Variants in CSPG4 observed in about 807,000 individuals in gnomAD.
The protein encoded by CSPG4 is chondroitin sulfate proteoglycan 4.
CSPG4 carries 74 observed loss-of-function variants against 139.3 expected under a neutral mutation model. The ratio of observed to expected loss-of-function variants is 0.53; its 90% CI spans 0.44 to 0.64. The LOEUF (loss-of-function observed/expected upper bound fraction) is 0.64, where lower values mean the gene tolerates loss of function less well. CSPG4 is among the 30% of genes least tolerant of loss of function. CSPG4 has a pLI of 0.00. For missense variants in CSPG4, 2,565 were observed against 3,148.3 expected, an observed-to-expected ratio of 0.81 and a Z score of 4.43; for synonymous variants, 1,234 against 1,394.2, an observed-to-expected ratio of 0.89 and a Z score of 2.56.
rs766577833 is a variant in CSPG4, at chr15:75,688,064, C to T, written c.3001G>A (p.Glu1001Lys). ...QGESSGDMAW[E>K]EVRGVFRVAI... ...ACTCGGAAGACACCCCGTACCTCCT[C>T]CCAGGCCATGTCACCACTGCTCTCG... The change falls in exon 3 of 10, where the codon GAG becomes AAG. Residue 1001 changes from glutamate to lysine, a missense_variant. By Grantham distance (56) the Glu-to-Lys change is moderately conservative. This residue lies in a region of CSPG4 where 2,316 missense variants were observed against 2,818.2 expected (regional missense o/e 0.82). Transcript: ENST00000308508. 1 of 1,612,804 alleles carries T rather than the reference C, an allele frequency of 6.2e-7. No homozygotes were observed. The highest frequency in any genetic ancestry group is 8.5e-7 in the Non-Finnish European group (1 of 1,179,868).
Position 75,674,457 on chromosome 15 carries a change from A to G in CSPG4, c.*1093T>C. 5.6e-6 allele frequency: 2 copies of G among 356,756 alleles called. No homozygotes were observed. The highest frequency in any genetic ancestry group is 1.0e-5 in the Non-Finnish European group (2 of 199,230). 22.1% of individuals were successfully genotyped at this position (356,756 alleles called of 1,614,324 possible). On this transcript the variant is annotated 3_prime_UTR_variant, in exon 10 of 10. Coordinates refer to ENST00000308508, the MANE Select transcript of CSPG4 (RefSeq NM_001897.5). The stretch of plus-strand genomic sequence containing the variant: ...CACCTGCCCACACAGGTGGGGGCAC[A>G]GGAGGTCTGGGAGGCCCCAGGAGGT...
Position 75,677,335 on chromosome 15 carries a change from C to G in CSPG4, c.5184G>C (p.Leu1728=). ...GQRARITVAA[L]DASNLLASVP... ...CGCTGGCCAAGAGATTGGAGGCATC[C>G]AGAGCAGCCACGGTGATCCTGGCCC... The change falls in exon 10 of 10, where the codon CTG becomes CTC. Residue 1728 remains leucine, a synonymous_variant. Transcript: ENST00000308508. 7.1e-7 allele frequency: 1 copy of G among 1,413,180 alleles called. No homozygotes were observed. The highest frequency in any genetic ancestry group is 1.7e-5 in the South Asian group (1 of 58,384). 87.5% of individuals were successfully genotyped at this position (1,413,180 alleles called of 1,614,324 possible).
chr15:75,711,908 C>T (rs1894451820), intron 1 of CSPG4, among the ~76,000 whole-genome samples: 1 of 152,020 alleles, frequency 6.6e-6, no homozygotes, highest in Admixed American at 6.6e-5. Context: ...AACTTCCATT[C>T]AGCCTCTGCT....
intron 4 of CSPG4, 58 bp from the exon 5 acceptor site, chr15:75,684,970 T>A: frequency 6.5e-7 from 1 of 1,527,078 alleles, no homozygotes. Context: ...ATGCCCTGCC[T>A]TTGGGTGCAG....
At chr15:75,712,040 TG>T (rs1277558455) in intron 1 of CSPG4, among the ~76,000 whole-genome samples, 2 of 137,312 alleles carry the variant, frequency 1.5e-5, no homozygotes, top group Non-Finnish European at 3.1e-5. Flanking sequence ...GGGTAGTGGG[TG>T]GGGGGTCCTG....
intron 1 of CSPG4, among the ~76,000 whole-genome samples, chr15:75,710,119 G>C (rs928656453): frequency 1.3e-5 from 2 of 152,082 alleles, no homozygotes; most frequent in African/African-American, 4.8e-5. Context: ...ACCCCCATCA[G>C]TTCTGAGTCC....
Position 75,676,214 on chromosome 15 carries a change from G to A in CSPG4, c.6305C>T (p.Thr2102Met), listed in dbSNP as rs561626285. The change falls in exon 10 of 10, where the codon ACG becomes ATG. Residue 2102 changes from threonine (T) to methionine (M), a missense_variant. This residue lies in a region of CSPG4 where 2,316 missense variants were observed against 2,818.2 expected (regional missense o/e 0.82). Transcript: ENST00000308508. ...CACCAGCTGGCTGCCCCCGGGCTCC[G>A]TCCTGGCTCGGGGCACGCGGACCAC... ...GRVVRVPRAR[T>M]EPGGSQLVEQ... 110 of 1,551,880 alleles carry A rather than the reference G, an allele frequency of 7.1e-5. No homozygotes were observed. Among genetic ancestry groups the A allele is most frequent in the Admixed American group, 1.2e-4 (6 of 52,164 alleles).
rs1894074611 is a variant in CSPG4, at chr15:75,687,332, TG to T, written c.3732del (p.His1244GlnfsTer35). ...GPLAPLKLVR[H>X]KKIYVFQGEA... ...TCTCCCTGGAAGACGTAGATCTTCT[TG>T]TGCCGGACCAGCTTCAGTGGGGCCA... On this transcript the variant is annotated frameshift_variant, in exon 3 of 10. Coordinates refer to ENST00000308508, the MANE Select transcript of CSPG4 (RefSeq NM_001897.5). LOFTEE classifies it high-confidence loss of function. The surrounding 1 kb of genome is among the most constrained non-coding windows in gnomAD (Gnocchi z 5.4). 6.2e-7 allele frequency: 1 copy of T among 1,612,356 alleles called. No homozygotes were observed. The highest frequency in any genetic ancestry group is 1.7e-5 in the Admixed American group (1 of 60,004).
At position 75,689,117 on chromosome 15, in the gene CSPG4, G is replaced by T; in HGVS notation, c.1948C>A (p.Pro650Thr). The T allele has an allele frequency of 6.2e-7, 1 of 1,602,402 alleles. No individual in the cohort carries two copies. The change falls in exon 3 of 10, where the codon CCC becomes ACC. Residue 650 changes from proline to threonine, a missense_variant. By Grantham distance (38) the Pro-to-Thr change is conservative. Coordinates refer to ENST00000308508, the MANE Select transcript of CSPG4 (RefSeq NM_001897.5). ...FRVSDGLQAS[P>T]PATLKVVAIR... Reference sequence around the variant, plus strand: ...GCCACCACCTTCAGCGTGGCCGGGGGGCTGGCCTGCAGTCCATCGCTGACC... The same window carrying T: ...GCCACCACCTTCAGCGTGGCCGGGGTGCTGGCCTGCAGTCCATCGCTGACC...
chr15:75,698,537 GGTGA>G lies in CSPG4; in HGVS notation c.89-5308_89-5305del, dbSNP rs1055096991. Among the ~76,000 whole-genome samples the G allele has an allele frequency of 9.2e-5, 14 of 151,996 alleles. No individual in the cohort carries two copies. The highest frequency in any genetic ancestry group is 7.4e-5 in the Non-Finnish European group (5 of 67,996). ...CTTCCAACCAAGCAGGCAGGGCATGGGTGAGTGTGTGCAGGAATGTGGGTCAGTG... is the reference window on the plus strand; with the variant it reads ...CTTCCAACCAAGCAGGCAGGGCATGGGTGTGTGCAGGAATGTGGGTCAGTG... On this transcript the variant is annotated intron_variant, in intron 1 of 9. Coordinates refer to ENST00000308508, the MANE Select transcript of CSPG4 (RefSeq NM_001897.5). The surrounding 1 kb of genome is among the most constrained non-coding windows in gnomAD (Gnocchi z 4.3).
At chr15:75,700,370 G>GGAGGGGGCAGCGAGGA (rs1018110729) in intron 1 of CSPG4, among the ~76,000 whole-genome samples, 2 of 152,118 alleles carry the variant, frequency 1.3e-5, no homozygotes, top group African/African-American at 4.8e-5. Flanking sequence ...AGGGCCGGGT[G>GGAGGGGGCAGCGAGGA]GAGGGGGCAG....
In CSPG4 at chr15:75,690,441, C is replaced by T. The variant is rs1490074044; in HGVS notation, c.624G>A (p.Gly208=). The change falls in exon 3 of 10, where the codon GGG becomes GGA. Residue 208 remains glycine, a synonymous_variant. Coordinates refer to ENST00000308508, the MANE Select transcript of CSPG4 (RefSeq NM_001897.5). ...CAGGGAAGGCAGCCAGAGAGTGGGG[C>T]CCAGAGAAGCCCAGGGCCACATCAT... ...ASDDVALGFS[G]PHSLAAFPAW... The T allele has an allele frequency of 1.2e-6, 2 of 1,607,286 alleles. No individual in the cohort carries two copies. Among genetic ancestry groups the T allele is most frequent in the African/African-American group, 1.3e-5 (1 of 74,782 alleles).
chr15:75,712,901 AC>A, upstream of CSPG4: 1 of 610,788 alleles, frequency 1.6e-6, no homozygotes, highest in South Asian at 2.2e-5. Context: ...GCAGGCGCAG[AC>A]CCGCGCGCCC....
upstream of CSPG4, among the ~76,000 whole-genome samples, chr15:75,713,105 C>T (rs898214538): frequency 3.0e-4 from 45 of 152,348 alleles, 1 homozygote; most frequent in Non-Finnish European, 2.4e-4. Context: ...CCCCAAGAGC[C>T]GAGCCCGGGA....
chr15:75,712,611 C>G, intron 1 of CSPG4, 57 bp downstream of exon 1: 5 of 1,495,236 alleles, frequency 3.3e-6, no homozygotes, highest in Non-Finnish European at 4.6e-6. Context: ...TTTTCCCTCC[C>G]GGAGGAACCC....
intron 5 of CSPG4, 65 bp downstream of exon 5, chr15:75,684,671 C>A: frequency 6.6e-7 from 1 of 1,513,128 alleles, no homozygotes; most frequent in Non-Finnish European, 9.0e-7. Context: ...CTCTGAGCCG[C>A]GAAGTAGGGG....
intron 4 of CSPG4, 114 bp from the exon 5 acceptor site, chr15:75,685,026 T>C (rs1894034216): frequency 7.7e-7 from 1 of 1,296,118 alleles, no homozygotes; most frequent in Non-Finnish European, 1.1e-6. Context: ...TGGTAGAAAA[T>C]GGGGACCATA....
chr15:75,688,398 G>A lies in CSPG4; in HGVS notation c.2667C>T (p.Phe889=), dbSNP rs1183287453. 1.9e-6 allele frequency: 3 copies of A among 1,613,384 alleles called. No homozygotes were observed. The highest frequency in any genetic ancestry group is 4.5e-5 in the East Asian group (2 of 44,890). ...APPYFSPLYT[F]PIHIGGDPDA... is the part of the protein sequence containing the mutation. ...CTGGGTCACCACCAATGTGGATGGG[G>A]AAGGTATAGAGTGGGGAGAAATATG... The change falls in exon 3 of 10, where the codon TTC becomes TTT. Residue 889 remains phenylalanine (F), a synonymous_variant. Transcript: ENST00000308508.
At position 75,712,704 on chromosome 15, in the gene CSPG4, A is replaced by G; in HGVS notation, c.52T>C (p.Leu18=). The G allele has an allele frequency of 1.3e-6, 2 of 1,565,408 alleles. No homozygotes were observed. The highest frequency in any genetic ancestry group is 1.7e-6 in the Non-Finnish European group (2 of 1,155,712). The change falls in exon 1 of 10, where the codon TTG becomes CTG. Residue 18 remains leucine (L), a synonymous_variant. Transcript: ENST00000308508. ...PLPAPGLALA[L]TLTMLARLAS... ...AGTCTGGCCAACATAGTCAGGGTCA[A>G]AGCCAAGGCCAGGCCGGGGGCTGGA... is the stretch of plus-strand genomic sequence containing the variant.
Sources: gnomAD v4.1 joint callset for allele counts (sites outside exome capture counted in the v4.1 genomes callset) on GRCh38, gnomAD v4.1.1 for gene constraint, gnomAD v4.1.1 regional missense constraint, Gnocchi (gnomAD v3.1) non-coding constraint, MANE v1.5 for transcripts, NCBI Gene and HGNC (gene_info 2026-07-23, HGNC 2026-07-21) for gene names.